Variants in ADAMTS2 observed in about 807,000 individuals in gnomAD.
The protein encoded by ADAMTS2 is ADAM metallopeptidase with thrombospondin type 1 motif 2.
A neutral mutation model predicts 123.0 loss-of-function variants in ADAMTS2; 50 were observed. The observed-to-expected ratio is 0.41, with a 90% CI of 0.32 to 0.51. ADAMTS2 has a LOEUF of 0.51. Among genes scored for constraint, ADAMTS2 ranks in the 20% least tolerant of loss-of-function variants. The probability of loss-of-function intolerance (pLI) is 0.35; values close to 1 mark genes in which losing one functional copy is unlikely to be tolerated. For missense variants in ADAMTS2, 1,494 were observed against 1,705.2 expected (o/e 0.88, Z 2.18); for synonymous variants, 678 against 695.4 (o/e 0.98, Z 0.39).
chr5:179,119,546 C>T (rs1180894139), intron 21 of ADAMTS2, among the ~76,000 whole-genome samples: 1 of 152,248 alleles, frequency 6.6e-6, no homozygotes, highest in East Asian at 1.9e-4. Context: ...TGAGAGAACA[C>T]AGGCCCTGTG....
At chr5:179,172,895 G>A (rs1763851037) in intron 5 of ADAMTS2, among the ~76,000 whole-genome samples, 1 of 151,986 alleles carries the variant, frequency 6.6e-6, no homozygotes, top group Non-Finnish European at 1.5e-5. Flanking sequence ...TTAAAATGCA[G>A]TGTTTTGTTT....
intron 3 of ADAMTS2, among the ~76,000 whole-genome samples, chr5:179,265,900 C>A (rs555099447): frequency 1.8e-4 from 27 of 152,344 alleles, no homozygotes; most frequent in Non-Finnish European, 2.8e-4. Flanking sequence ...AGGCTCAGCT[C>A]CAGGGTGGAA....
intron 2 of ADAMTS2, among the ~76,000 whole-genome samples, chr5:179,339,289 C>G (rs925265787): frequency 3.3e-5 from 5 of 152,234 alleles, no homozygotes; most frequent in African/African-American, 1.2e-4. Flanking sequence ...GGCTTTCCAT[C>G]TCAAAGGTTG....
intron 2 of ADAMTS2, among the ~76,000 whole-genome samples, chr5:179,323,447 C>T (rs570298713): frequency 3.3e-5 from 5 of 152,334 alleles, no homozygotes; most frequent in South Asian, 2.1e-4. Context: ...GCAGAACAGC[C>T]GCCAGCTTGA....
intron 3 of ADAMTS2, among the ~76,000 whole-genome samples, chr5:179,264,699 C>T (rs1242337376): frequency 4.6e-5 from 7 of 152,196 alleles, no homozygotes; most frequent in African/African-American, 1.2e-4. Flanking sequence ...GGAAAGGGGA[C>T]GGAGAGCAAG....
chr5:179,321,326 C>G (rs1282834365), intron 2 of ADAMTS2, among the ~76,000 whole-genome samples: 1 of 152,148 alleles, frequency 6.6e-6, no homozygotes, highest in Non-Finnish European at 1.5e-5. Flanking sequence ...GATGTCTGCC[C>G]CACCGCAGCA....
At position 179,256,666 on chromosome 5, in the gene ADAMTS2, G is replaced by T. The variant is rs1351147109; in HGVS notation, c.688+16245C>A. Among the ~76,000 whole-genome samples, 3 of 152,218 alleles carry T rather than the reference G, an allele frequency of 2.0e-5. No homozygotes were observed. Among genetic ancestry groups the T allele is most frequent in the Admixed American group, 2.0e-4 (3 of 15,286 alleles). On this transcript the variant is annotated intron_variant, in intron 3 of 21. Coordinates refer to ENST00000251582, the MANE Select transcript of ADAMTS2 (RefSeq NM_014244.5). The surrounding 1 kb of genome is among the most constrained non-coding windows in gnomAD (Gnocchi z 4.1). The stretch of plus-strand genomic sequence containing the variant: ...TGGGGGGGCCAGGCACGAATCGGCA[G>T]GGAGGGAGGGGTTGTGTTCGCCCAT...
chr5:179,261,580 T>A (rs2113489521), intron 3 of ADAMTS2, among the ~76,000 whole-genome samples: 1 of 152,288 alleles, frequency 6.6e-6, no homozygotes, highest in Middle Eastern at 3.4e-3. Flanking sequence ...TCCCAGGATG[T>A]CCCCACCCCT....
intron 12 of ADAMTS2, among the ~76,000 whole-genome samples, chr5:179,136,534 G>T (rs1232764827): frequency 1.3e-5 from 2 of 151,936 alleles, no homozygotes; most frequent in Non-Finnish European, 2.9e-5. Context: ...GTGTGGTGGT[G>T]AGCGCCTGTA....
Position 179,161,790 on chromosome 5 carries a change from C to T in ADAMTS2, c.976-2911G>A, listed in dbSNP as rs557553623. 8.5e-5 allele frequency among the ~76,000 whole-genome samples: 13 copies of T among 152,202 alleles called. 1 individual carries two copies. In the South Asian group the frequency reaches 2.5e-3, roughly 29 times the overall value. ...GCATACACGTGTCTAAATATCACAC[C>T]CTACCCCAGAAATATGTACAATTAT... On this transcript the variant is annotated intron_variant, in intron 5 of 21. Transcript: ENST00000251582.
At chr5:179,263,616 C>T (rs1348744890) in intron 3 of ADAMTS2, among the ~76,000 whole-genome samples, 2 of 152,228 alleles carry the variant, frequency 1.3e-5, no homozygotes, top group Non-Finnish European at 2.9e-5. Context: ...ACCAGCTGTG[C>T]TCGTGGCGCA....
rs374710736 is a variant in ADAMTS2 at position 179,273,299 on chromosome 5, C to G, written c.535-235G>C. Among the ~76,000 whole-genome samples, 5 of 152,270 alleles carry G rather than the reference C, an allele frequency of 3.3e-5. No individual in the cohort carries two copies. In the South Asian group the frequency reaches 8.3e-4, roughly 25 times the overall value. The stretch of plus-strand genomic sequence containing the variant: ...GGCCTCTGTCTGGGTCATCTCCACC[C>G]CTATACACCAACCCTGTCTGCTTTC... On this transcript the variant is annotated intron_variant, in intron 2 of 21. Transcript: ENST00000251582.
chr5:179,127,435 G>A (rs768869000), intron 17 of ADAMTS2, among the ~76,000 whole-genome samples: 48 of 152,126 alleles, frequency 3.2e-4, no homozygotes, highest in Non-Finnish European at 5.0e-4. Flanking sequence ...CCAGGAGCAC[G>A]CAGAACAGAT....
In ADAMTS2 at chr5:179,158,615, G is replaced by T; in HGVS notation, c.1132+108C>A. The T allele has an allele frequency of 6.6e-7, 1 of 1,506,094 alleles. No homozygotes were observed. The highest frequency in any genetic ancestry group is 9.2e-7 in the Non-Finnish European group (1 of 1,091,552). 93.3% of individuals were successfully genotyped at this position (1,506,094 alleles called of 1,614,324 possible). ...AGCTAAGGTGGCCACGGCCTTCCCT[G>T]CCCTGACACTCTTCCCTGGGCTGGG... is the stretch of plus-strand genomic sequence containing the variant. On this transcript the variant is annotated intron_variant, in intron 6 of 21. Coordinates refer to ENST00000251582, the MANE Select transcript of ADAMTS2 (RefSeq NM_014244.5). This position sits in a 1 kb window ranked among gnomAD's most constrained non-coding sequence, Gnocchi z 5.0.
intron 3 of ADAMTS2, among the ~76,000 whole-genome samples, chr5:179,208,855 G>T (rs1003370982): frequency 6.6e-6 from 1 of 152,184 alleles, no homozygotes; most frequent in East Asian, 1.9e-4. Flanking sequence ...TCCTGGCCCG[G>T]GACAGACCCA....
At chr5:179,207,471 A>ACCCCCCCCCC in intron 4 of ADAMTS2, 42 bp downstream of exon 4, 4 of 1,026,472 alleles carry the variant, frequency 3.9e-6, no homozygotes, top group South Asian at 2.5e-5. Flanking sequence ...CCCCTGGTTG[A>ACCCCCCCCCC]CCCTCCCCGC....
chr5:179,135,083 C>G (rs1449963810), intron 13 of ADAMTS2, among the ~76,000 whole-genome samples: 7 of 77,902 alleles, frequency 9.0e-5, no homozygotes, highest in Non-Finnish European at 1.5e-4. Context: ...CAGCTCCCGG[C>G]TCCAGCCCCC....
chr5:179,282,287 T>C (rs537917012), intron 2 of ADAMTS2, among the ~76,000 whole-genome samples: 4 of 152,250 alleles, frequency 2.6e-5, no homozygotes, highest in Non-Finnish European at 5.9e-5. Context: ...TGTAGATCTA[T>C]GATCCATCCA....
intron 2 of ADAMTS2, among the ~76,000 whole-genome samples, chr5:179,333,067 G>A (rs75231519): frequency 0.028 from 4,225 of 152,262 alleles, 68 homozygotes; most frequent in Middle Eastern, 0.044. Flanking sequence ...TCCTTCTGCC[G>A]GGGCTCTGAA....
Sources: gnomAD v4.1 joint callset for allele counts (sites outside exome capture counted in the v4.1 genomes callset) on GRCh38, gnomAD v4.1.1 for gene constraint, Gnocchi (gnomAD v3.1) non-coding constraint, MANE v1.5 for transcripts, NCBI Gene and HGNC (gene_info 2026-07-23, HGNC 2026-07-21) for gene names.